Variants in CHRDL1 observed in about 807,000 individuals in gnomAD.
CHRDL1 encodes chordin-like protein 1.
A neutral mutation model predicts 40.9 loss-of-function variants in CHRDL1; 19 were observed. That is an observed-to-expected ratio of 0.46 (90% confidence interval 0.32 to 0.68). CHRDL1 has a LOEUF of 0.68. Ranked by LOEUF, CHRDL1 falls within the 30% of genes least tolerant of loss-of-function variation. CHRDL1 has a pLI of 0.03. For missense variants in CHRDL1, 329 were observed against 352.1 expected, an observed-to-expected ratio of 0.93 and a Z score of 0.53; for synonymous variants, 136 against 123.4, an observed-to-expected ratio of 1.10 and a Z score of -0.68.
At chrX:110,729,478 C>T (rs1023708165) in intron 4 of CHRDL1, among the ~76,000 whole-genome samples, 5 of 111,636 alleles carry the variant, frequency 4.5e-5, no homozygotes, top group Middle Eastern at 4.6e-3. Flanking sequence ...TGGCCCATCA[C>T]ATTGAGGTCA....
chrX:110,692,828 A>G (rs1048815354), intron 8 of CHRDL1, among the ~76,000 whole-genome samples: 2 of 112,382 alleles, frequency 1.8e-5, no homozygotes, highest in African/African-American at 6.5e-5. Context: ...GTAATCTGAA[A>G]TATACATCTA....
chrX:110,780,265 C>T (rs1031835695), intron 2 of CHRDL1, among the ~76,000 whole-genome samples: 2 of 111,024 alleles, frequency 1.8e-5, no homozygotes, highest in Non-Finnish European at 3.8e-5. Flanking sequence ...TCCAAGATCA[C>T]TATTTATCAG....
chrX:110,793,012 A>G (rs1215502161), intron 1 of CHRDL1, among the ~76,000 whole-genome samples: 4 of 112,406 alleles, frequency 3.6e-5, no homozygotes, highest in Non-Finnish European at 7.5e-5. Flanking sequence ...GAAATCTTAA[A>G]CCTTTTGAAC....
rs754055781 is a variant in CHRDL1 at position 110,686,891 on chromosome X, C to CAAAAAA, written c.988+1697_988+1702dup. On this transcript the variant is annotated intron_variant, in intron 9 of 11. Coordinates refer to ENST00000372042, the MANE Select transcript of CHRDL1 (RefSeq NM_001143981.2). Reference sequence around the variant, plus strand: ...AGAGCTAGACTCTGTCTCAAAAAAACAAAAAATAAAAAAAAAAATAAAAAG... The same window carrying CAAAAAA: ...AGAGCTAGACTCTGTCTCAAAAAAACAAAAAAAAAAAATAAAAAAAAAAATAAAAAG... Among the ~76,000 whole-genome samples the CAAAAAA allele has an allele frequency of 1.7e-3, 145 of 85,312 alleles. 4 individuals carry two copies. The highest frequency in any genetic ancestry group is 2.6e-3 in the Non-Finnish European group (118 of 45,493). The allele number at this position is 85,312 out of a possible 115,157, so 74.1% of individuals were successfully genotyped here.
intron 7 of CHRDL1, among the ~76,000 whole-genome samples, chrX:110,698,532 A>G (rs2070448425): frequency 8.9e-6 from 1 of 112,260 alleles, no homozygotes; most frequent in Non-Finnish European, 1.9e-5. Flanking sequence ...CCATATGGCC[A>G]TTTTGGTCTA....
chrX:110,780,469 C>T (rs941983486), intron 2 of CHRDL1, among the ~76,000 whole-genome samples: 1 of 111,808 alleles, frequency 8.9e-6, no homozygotes, highest in African/African-American at 3.2e-5. Context: ...CACCAATACA[C>T]AGCTGAACCA....
intron 4 of CHRDL1, among the ~76,000 whole-genome samples, chrX:110,758,212 C>G (rs1184943632): frequency 2.0e-5 from 2 of 101,218 alleles, no homozygotes; most frequent in Non-Finnish European, 4.1e-5. Flanking sequence ...CGCCCCCACC[C>G]CCACCCATAC....
At chrX:110,778,992 C>T (rs1182807585) in intron 2 of CHRDL1, among the ~76,000 whole-genome samples, 1 of 111,490 alleles carries the variant, frequency 9.0e-6, no homozygotes, top group Non-Finnish European at 1.9e-5. Context: ...CAAACTAATG[C>T]AGGAACACAA....
chrX:110,749,778 G>A (rs994553556), intron 4 of CHRDL1, among the ~76,000 whole-genome samples: 1 of 111,922 alleles, frequency 8.9e-6, no homozygotes, highest in Non-Finnish European at 1.9e-5. Flanking sequence ...CTTAGTGGCT[G>A]CAAATAATCT....
intron 2 of CHRDL1, among the ~76,000 whole-genome samples, chrX:110,779,780 A>G (rs1422148697): frequency 2.7e-5 from 3 of 111,449 alleles, no homozygotes; most frequent in Admixed American, 9.5e-5. Flanking sequence ...GGAAAAACTG[A>G]TATCTTGACA....
intron 8 of CHRDL1, among the ~76,000 whole-genome samples, chrX:110,693,448 C>T (rs1228392790): frequency 9.0e-6 from 1 of 111,609 alleles, no homozygotes; most frequent in African/African-American, 3.3e-5. Context: ...AACTCCTGGG[C>T]TCAAGTGATC....
At chrX:110,768,821 C>T (rs756128215) in intron 2 of CHRDL1, among the ~76,000 whole-genome samples, 24 of 110,970 alleles carry the variant, frequency 2.2e-4, no homozygotes, top group Non-Finnish European at 4.2e-4. Flanking sequence ...AACTTGCAAA[C>T]GGCCTATTAC....
chrX:110,758,122 CAAAAAAACAAAAAAA>C (rs1299714975), intron 4 of CHRDL1, among the ~76,000 whole-genome samples: 2 of 93,993 alleles, frequency 2.1e-5, no homozygotes, highest in Admixed American at 1.1e-4. Context: ...AAACAAAAAA[CAAAAAAACAAAAAAA>C]AAAAAAACAA....
chrX:110,735,534 TCA>T (rs776304163), intron 4 of CHRDL1, among the ~76,000 whole-genome samples: 1 of 112,001 alleles, frequency 8.9e-6, no homozygotes, highest in South Asian at 3.8e-4. Flanking sequence ...ACTCCCAACT[TCA>T]GTCACACTCA....
At position 110,700,736 on chromosome X, in the gene CHRDL1, G is replaced by C; in HGVS notation, c.542-15C>G. On this transcript the variant is annotated splice_polypyrimidine_tract_variant and intron_variant, in intron 6 of 11. Coordinates refer to ENST00000372042, the MANE Select transcript of CHRDL1 (RefSeq NM_001143981.2). ...TTCTCCATCTCCTGTTTATTAAAAA[G>C]AAATAAGGAGAAAATCATACATTCA... The C allele has an allele frequency of 9.5e-7, 1 of 1,049,951 alleles. No individual in the cohort carries two copies. Among genetic ancestry groups the C allele is most frequent in the Non-Finnish European group, 1.3e-6 (1 of 749,127 alleles). 86.5% of individuals were successfully genotyped at this position (1,049,951 alleles called of 1,213,427 possible).
rs189258587 is a variant in CHRDL1, at chrX:110,694,385, G to A, written c.610-54C>T. On this transcript the variant is annotated intron_variant, in intron 7 of 11. Coordinates refer to ENST00000372042, the MANE Select transcript of CHRDL1 (RefSeq NM_001143981.2). ...CAAAAGCCACCAATGAGATCACAGA[G>A]ATTAAGTTATATACTAGAAGTCATT... 23 of 965,718 alleles carry A rather than the reference G, an allele frequency of 2.4e-5. No homozygotes were observed. The African/African-American group carries it at 4.4e-4, about 19-fold the overall frequency. 79.6% of individuals were successfully genotyped at this position (965,718 alleles called of 1,213,427 possible).
chrX:110,745,611 G>A, intron 4 of CHRDL1, among the ~76,000 whole-genome samples: 1 of 111,802 alleles, frequency 8.9e-6, no homozygotes, highest in East Asian at 2.8e-4. Context: ...CCTGGCTCTT[G>A]GAGAGTGCCT....
rs796243093 is a variant in CHRDL1, at chrX:110,674,457, C to CCACATACACACACACACACACACA, written c.*1773_*1774insTGTGTGTGTGTGTGTGTGTATGTG. 1 of 78,937 alleles carries CCACATACACACACACACACACACA rather than the reference C, an allele frequency of 1.3e-5. No homozygotes were observed. The highest frequency in any genetic ancestry group is 5.2e-5 in the African/African-American group (1 of 19,210). The allele number at this position is 78,937 out of a possible 1,213,427, so 6.5% of individuals were successfully genotyped here. On this transcript the variant is annotated 3_prime_UTR_variant, in exon 12 of 12. Coordinates refer to ENST00000372042, the MANE Select transcript of CHRDL1 (RefSeq NM_001143981.2). Reference sequence around the variant, plus strand: ...GCCGCATAACACCTTCCCCCCTTTACCACACACACACACACACACACACAC... The same window carrying CCACATACACACACACACACACACA: ...GCCGCATAACACCTTCCCCCCTTTACCACATACACACACACACACACACACACACACACACACACACACACACAC...
rs1055436178 is a variant in CHRDL1, at chrX:110,676,061, C to A, written c.*170G>T. ...TCTCTTTGGAGGAGATGTTCAAGGGCTGACACACCACTCCACACAAAGGAG... is the reference window on the plus strand; with the variant it reads ...TCTCTTTGGAGGAGATGTTCAAGGGATGACACACCACTCCACACAAAGGAG... On this transcript the variant is annotated 3_prime_UTR_variant, in exon 12 of 12. Transcript: ENST00000372042. The A allele has an allele frequency of 1.1e-4, 44 of 414,157 alleles. No homozygotes were observed. In the East Asian group the frequency reaches 1.7e-3, roughly 16 times the overall value. 34.1% of individuals were successfully genotyped at this position (414,157 alleles called of 1,213,427 possible).
Sources: gnomAD v4.1 joint callset for allele counts (sites outside exome capture counted in the v4.1 genomes callset) on GRCh38, gnomAD v4.1.1 for gene constraint, MANE v1.5 for transcripts, NCBI Gene and HGNC (gene_info 2026-07-23, HGNC 2026-07-21) for gene names.